RIMS2: variants seen among roughly 807,000 people sequenced by gnomAD.
RIMS2 encodes regulating synaptic membrane exocytosis protein 2.
A neutral mutation model predicts 174.4 loss-of-function variants in RIMS2; 59 were observed. That is an observed-to-expected ratio of 0.34 (90% CI 0.27 to 0.42). RIMS2 has a LOEUF of 0.42. Among genes scored for constraint, RIMS2 ranks in the 10% least tolerant of loss-of-function variants. RIMS2 has a pLI of 1.00. For missense variants in RIMS2, 1,620 were observed against 1,666.3 expected (o/e 0.97, Z 0.48); for synonymous variants, 606 against 572.5 (o/e 1.06, Z -0.84).
chr8:103,579,658 G>C (rs973087605), intron 1 of RIMS2, among the ~76,000 whole-genome samples: 3 of 152,114 alleles, frequency 2.0e-5, no homozygotes, highest in Admixed American at 6.5e-5. Flanking sequence ...CCTATAAGAT[G>C]TTTTTTATAA....
chr8:104,207,410 T>A (rs28681262), intron 19 of RIMS2, among the ~76,000 whole-genome samples: 3,022 of 152,312 alleles, frequency 0.02, 96 homozygotes, highest in African/African-American at 0.067. Flanking sequence ...CAGCTTTCTA[T>A]GTCATGGTCC....
At chr8:103,629,393 C>T (rs1327908542) in intron 1 of RIMS2, among the ~76,000 whole-genome samples, 5 of 152,152 alleles carry the variant, frequency 3.3e-5, no homozygotes, top group African/African-American at 7.2e-5. Flanking sequence ...GAATAACTCC[C>T]GGATTTTAGA....
chr8:103,519,830 T>A (rs1830782764), intron 1 of RIMS2, among the ~76,000 whole-genome samples: 1 of 151,888 alleles, frequency 6.6e-6, no homozygotes, highest in South Asian at 2.1e-4. Flanking sequence ...ATATAATATT[T>A]TCAGGAAAAA....
At chr8:104,094,368 T>C (rs1227461020) in intron 19 of RIMS2, 7 of 557,060 alleles carry the variant, frequency 1.3e-5, no homozygotes, top group African/African-American at 5.7e-5. Flanking sequence ...TTTTTACTTA[T>C]GTTTTGATAG....
chr8:103,891,919 G>A (rs898797727), intron 4 of RIMS2, among the ~76,000 whole-genome samples: 3 of 151,970 alleles, frequency 2.0e-5, no homozygotes, highest in Non-Finnish European at 2.9e-5. Flanking sequence ...CCCAAAAGAT[G>A]TCGGCTTTGT....
At chr8:103,969,103 G>C (rs1199948731) in intron 15 of RIMS2, among the ~76,000 whole-genome samples, 9 of 151,872 alleles carry the variant, frequency 5.9e-5, no homozygotes, top group Non-Finnish European at 1.0e-4. Context: ...TATAGAGGAG[G>C]AGTGTTTTCT....
chr8:103,764,413 T>C (rs13281460), intron 2 of RIMS2, among the ~76,000 whole-genome samples: 17,637 of 152,202 alleles, frequency 0.12, 1,358 homozygotes, highest in Non-Finnish European at 0.17. Flanking sequence ...CTTCATTTAT[T>C]TTTACATTAT....
At chr8:103,904,714 G>A (rs920000694) in intron 4 of RIMS2, among the ~76,000 whole-genome samples, 4 of 151,890 alleles carry the variant, frequency 2.6e-5, no homozygotes, top group African/African-American at 4.8e-5. Context: ...GGATTTCTAT[G>A]TTTATAATCA....
At chr8:103,702,971 G>T (rs1308976943) in intron 2 of RIMS2, among the ~76,000 whole-genome samples, 2 of 133,944 alleles carry the variant, frequency 1.5e-5, no homozygotes, top group Non-Finnish European at 1.6e-5. Flanking sequence ...GTTGTTGGGT[G>T]TTTTTGTGAG....
Position 104,013,482 on chromosome 8 carries a change from A to G in RIMS2, c.3085A>G (p.Arg1029Gly), listed in dbSNP as rs1331804173. 6 of 1,613,898 alleles carry G rather than the reference A, an allele frequency of 3.7e-6. No individual in the cohort carries two copies. In the South Asian group the frequency reaches 5.5e-5, roughly 15 times the overall value. ...AGATAGACAGCCATATCACAGATCC[A>G]GATCAACAGAACAACGGCCTCTCCT... The change falls in exon 18 of 24, where the codon AGA becomes GGA. Residue 1029 changes from arginine to glycine, a missense_variant. This residue lies in a region of RIMS2 where 1,395 missense variants were observed against 1,360.1 expected (regional missense o/e 1.03). Coordinates refer to ENST00000504942, the Ensembl canonical transcript of RIMS2.
chr8:104,107,885 A>G (rs2098103548), intron 19 of RIMS2, among the ~76,000 whole-genome samples: 1 of 152,182 alleles, frequency 6.6e-6, no homozygotes, highest in Admixed American at 6.5e-5. Flanking sequence ...CCATGATCAA[A>G]CCGTTGCATT....
At chr8:103,612,987 A>G (rs894584531) in intron 1 of RIMS2, among the ~76,000 whole-genome samples, 1 of 152,060 alleles carries the variant, frequency 6.6e-6, no homozygotes, top group Non-Finnish European at 1.5e-5. Flanking sequence ...GACCACTGAT[A>G]CTGCTTTGGG....
At chr8:104,086,301 G>A (rs1229792932) in intron 19 of RIMS2, among the ~76,000 whole-genome samples, 1 of 129,402 alleles carries the variant, frequency 7.7e-6, no homozygotes, top group African/African-American at 2.9e-5. Context: ...AACAGTTTTA[G>A]TACATGATAG....
rs1287841807 is a variant in RIMS2 at position 103,830,953 on chromosome 8, G to A, written c.699-54345G>A. On this transcript the variant is annotated intron_variant, in intron 3 of 23. Coordinates refer to ENST00000504942, the Ensembl canonical transcript of RIMS2. Reference sequence around the variant, plus strand: ...CCTCCTGAGTAGCTGGGTCTCAGGTGCAAGCCACCGCACCTGGCTAATTTT... The same window carrying A: ...CCTCCTGAGTAGCTGGGTCTCAGGTACAAGCCACCGCACCTGGCTAATTTT... Among the ~76,000 whole-genome samples the A allele has an allele frequency of 7.2e-5, 11 of 152,116 alleles. No homozygotes were observed. In the East Asian group the frequency reaches 1.6e-3, roughly 21 times the overall value.
intron 19 of RIMS2, among the ~76,000 whole-genome samples, chr8:104,234,921 G>A (rs1036175423): frequency 6.6e-6 from 1 of 152,102 alleles, no homozygotes; most frequent in African/African-American, 2.4e-5. Context: ...GACAGCTATG[G>A]TATAGTTTGA....
chr8:104,085,885 A>C (rs2097528524), intron 19 of RIMS2, among the ~76,000 whole-genome samples: 1 of 152,142 alleles, frequency 6.6e-6, no homozygotes, highest in African/African-American at 2.4e-5. Context: ...TGTGCCAGCA[A>C]AAGGAAGTAC....
At chr8:103,673,797 G>A (rs2096775193) in intron 1 of RIMS2, among the ~76,000 whole-genome samples, 1 of 152,212 alleles carries the variant, frequency 6.6e-6, no homozygotes, top group Non-Finnish European at 1.5e-5. Flanking sequence ...TTGCTTCACA[G>A]CCAGCTTGAA....
At chr8:103,671,086 T>C (rs1203746615) in intron 1 of RIMS2, among the ~76,000 whole-genome samples, 2 of 152,182 alleles carry the variant, frequency 1.3e-5, no homozygotes, top group Non-Finnish European at 2.9e-5. Flanking sequence ...AGGCACGTCT[T>C]ACATGGTGGC....
intron 4 of RIMS2, among the ~76,000 whole-genome samples, chr8:103,895,183 T>C (rs1226727603): frequency 1.3e-5 from 2 of 151,136 alleles, no homozygotes; most frequent in East Asian, 3.9e-4. Flanking sequence ...GTTTTTTTTT[T>C]TTTTCATTTT....
Sources: gnomAD v4.1 joint callset for allele counts (sites outside exome capture counted in the v4.1 genomes callset) on GRCh38, gnomAD v4.1.1 for gene constraint, gnomAD v4.1.1 regional missense constraint, MANE v1.5 for transcripts, NCBI Gene and HGNC (gene_info 2026-07-23, HGNC 2026-07-21) for gene names.